Variants in TBRG1 observed in about 807,000 individuals in gnomAD.
The protein encoded by TBRG1 is nuclear interactor of ARF and MDM2.
TBRG1 carries 31 observed loss-of-function variants against 44.0 expected under a neutral mutation model. The observed-to-expected ratio is 0.70, with a 90% CI of 0.53 to 0.95. The LOEUF is 0.95. Ranked by LOEUF, TBRG1 falls within the 40% of genes least tolerant of loss-of-function variation. The probability of loss-of-function intolerance (pLI) is 0.00; values close to 1 mark genes in which losing one functional copy is unlikely to be tolerated. For synonymous variants in TBRG1, 171 were observed against 188.1 expected (o/e 0.91, Z 0.74); for missense variants, 487 against 496.1 (o/e 0.98, Z 0.18).
chr11:124,632,038 A>G (rs1340004960), intron 8 of TBRG1, 55 bp from the exon 9 acceptor site: 31 of 1,553,224 alleles, frequency 2.0e-5, no homozygotes, highest in Non-Finnish European at 1.2e-5. Flanking sequence ...TCTGACCAAA[A>G]CAGTCTGCCC....
At chr11:124,624,782 G>A (rs916608232) in intron 1 of TBRG1, 149 bp from the exon 2 acceptor site, 57 of 628,160 alleles carry the variant, frequency 9.1e-5, no homozygotes, top group Middle Eastern at 4.3e-4. Flanking sequence ...TTTATCTATG[G>A]ATTTATTTAT....
rs1166141865 is a variant in TBRG1 at position 124,632,351 on chromosome 11, A to AT, written c.*116dup. ...TCAGAAGTAAAGAAGATACTAACGT[A>AT]TTTCATCATGGAAGGTCCTGTGGTG... is the stretch of plus-strand genomic sequence containing the variant. On this transcript the variant is annotated 3_prime_UTR_variant, in exon 9 of 9. Transcript: ENST00000441174. 8.1e-6 allele frequency: 7 copies of AT among 867,552 alleles called. No homozygotes were observed. Among genetic ancestry groups the AT allele is most frequent in the Non-Finnish European group, 1.1e-5 (6 of 562,084 alleles). The allele number at this position is 867,552 out of a possible 1,614,324, so 53.7% of individuals were successfully genotyped here.
At chr11:124,624,896 A>G (rs1565398507) in intron 1 of TBRG1, 35 bp from the exon 2 acceptor site, 15 of 1,361,520 alleles carry the variant, frequency 1.1e-5, no homozygotes, top group Non-Finnish European at 1.5e-5. Context: ...TTTTTTATTC[A>G]TTTTATGTTA....
Position 124,625,795 on chromosome 11 carries a change from C to CA in TBRG1, c.347dup (p.Ala118SerfsTer12). 1 of 1,581,578 alleles carries CA rather than the reference C, an allele frequency of 6.3e-7. No homozygotes were observed. The highest frequency in any genetic ancestry group is 8.6e-7 in the Non-Finnish European group (1 of 1,162,750). ...TGTGGCCAGCTCTGTGGGAACTATA[C>CA]AGGGAGCTGGGCCTATTTCAGGGCC... On this transcript the variant is annotated frameshift_variant, in exon 3 of 9. Coordinates refer to ENST00000441174, the MANE Select transcript of TBRG1 (RefSeq NM_032811.3). LOFTEE classifies it high-confidence loss of function.
In TBRG1 at chr11:124,625,019, T is replaced by C. The variant is rs778856793; in HGVS notation, c.221+18T>C. The C allele has an allele frequency of 7.4e-5, 112 of 1,518,940 alleles. 1 individual carries two copies. Among genetic ancestry groups the C allele is most frequent in the South Asian group, 2.0e-4 (16 of 81,750 alleles). The allele number at this position is 1,518,940 out of a possible 1,614,324, so 94.1% of individuals were successfully genotyped here. A position where few individuals can be genotyped will look rare whatever the true frequency, so the allele number is the denominator to read the frequency against. ...GAAAGAAGGTGAGCTGGCTTCATTTTGTGTTCAGCATCACCTTTTTGGTGA... is the reference window on the plus strand; with the variant it reads ...GAAAGAAGGTGAGCTGGCTTCATTTCGTGTTCAGCATCACCTTTTTGGTGA... On this transcript the variant is annotated intron_variant, in intron 2 of 8. Transcript: ENST00000441174.
Position 124,630,489 on chromosome 11 carries a change from A to G in TBRG1, c.836+4A>G, listed in dbSNP as rs1280698027. The G allele has an allele frequency of 2.5e-6, 4 of 1,603,800 alleles. No individual in the cohort carries two copies. In the Admixed American group the frequency reaches 6.7e-5, roughly 27 times the overall value. ...TCAGGACTATAAGCACTACTATGTA[A>G]GTTGACCAAAAGCTTGAAAACAGGC... On this transcript the variant is annotated splice_donor_region_variant and intron_variant, in intron 6 of 8. Coordinates refer to ENST00000441174, the MANE Select transcript of TBRG1 (RefSeq NM_032811.3).
At chr11:124,630,297 C>A in intron 5 of TBRG1, 91 bp from the exon 6 acceptor site, 1 of 869,976 alleles carries the variant, frequency 1.1e-6, no homozygotes, top group Non-Finnish European at 2.0e-6. Context: ...GTCAGCTTCA[C>A]GTTCCAGAGT....
Position 124,628,676 on chromosome 11 carries a change from T to C in TBRG1, c.738+1626T>C, listed in dbSNP as rs538057465. On this transcript the variant is annotated intron_variant, in intron 5 of 8. Coordinates refer to ENST00000441174, the MANE Select transcript of TBRG1 (RefSeq NM_032811.3). Reference sequence around the variant, plus strand: ...TATCAGAGGGATTAATAATATCCAGTGCTGGCCGGGGTGGAGGAAAACAAG... The same window carrying C: ...TATCAGAGGGATTAATAATATCCAGCGCTGGCCGGGGTGGAGGAAAACAAG... 1.3e-4 allele frequency among the ~76,000 whole-genome samples: 20 copies of C among 152,252 alleles called. 1 individual carries two copies. The highest frequency in any genetic ancestry group is 4.3e-4 in the African/African-American group (18 of 41,548).
intron 2 of TBRG1, 95 bp downstream of exon 2, chr11:124,625,096 G>C (rs1591372772): frequency 2.3e-6 from 2 of 882,392 alleles, no homozygotes; most frequent in East Asian, 2.7e-5. Context: ...TTTTTTCCCA[G>C]TGGGATTGAT....
chr11:124,623,707 C>T (rs57209328), intron 1 of TBRG1, among the ~76,000 whole-genome samples: 5,525 of 152,288 alleles, frequency 0.036, 305 homozygotes, highest in African/African-American at 0.12. Context: ...ATTTTCTGAG[C>T]ACCTCAAATC....
chr11:124,631,090 A>T (rs1212962501), intron 7 of TBRG1, 185 bp from the exon 8 acceptor site: 1 of 657,264 alleles, frequency 1.5e-6, no homozygotes, highest in African/African-American at 1.8e-5. Context: ...AGGGGTGGGA[A>T]ATCTAGCAGA....
At chr11:124,630,189 C>T (rs1312644549) in intron 5 of TBRG1, 199 bp from the exon 6 acceptor site, 7 of 524,756 alleles carry the variant, frequency 1.3e-5, no homozygotes, top group Non-Finnish European at 2.4e-5. Context: ...AAGGGTAGAA[C>T]TGAAACAGTC....
chr11:124,630,877 C>G, intron 7 of TBRG1, 22 bp downstream of exon 7: 3 of 1,478,130 alleles, frequency 2.0e-6, no homozygotes, highest in South Asian at 1.2e-5. Flanking sequence ...CAAATTCATT[C>G]CCTTGAGAAA....
intron 5 of TBRG1, 125 bp downstream of exon 5, chr11:124,627,175 C>G (rs1942494767): frequency 5.5e-6 from 4 of 722,168 alleles, no homozygotes; most frequent in Non-Finnish European, 9.3e-6. Context: ...TCCCAAGATG[C>G]AGAAAAGTGG....
rs368957036 is a variant in TBRG1, at chr11:124,627,445, A to T, written c.738+395A>T. On this transcript the variant is annotated intron_variant, in intron 5 of 8. Coordinates refer to ENST00000441174, the MANE Select transcript of TBRG1 (RefSeq NM_032811.3). ...AATTGCATATTAGTTTCTGGCTGCA[A>T]ATACTCTTAAGGACCTGAGAGTCTT... 5.9e-5 allele frequency among the ~76,000 whole-genome samples: 9 copies of T among 152,330 alleles called. No individual in the cohort carries two copies. In the South Asian group the frequency reaches 1.0e-3, roughly 18 times the overall value.
chr11:124,625,687 C>T lies in TBRG1; in HGVS notation c.238C>T (p.Leu80Phe). 2 of 1,551,338 alleles carry T rather than the reference C, an allele frequency of 1.3e-6. No homozygotes were observed. The highest frequency in any genetic ancestry group is 1.7e-6 in the Non-Finnish European group (2 of 1,146,962). ...TGATCTCAGGTACTTGCTAAAGAAG[C>T]TCCTCCAGCTTCAGGCTCTAACTGA... ...KEERRYLLKK[L>F]LQLQALTEGE... The change falls in exon 3 of 9, where the codon CTC becomes TTC. Residue 80 changes from leucine to phenylalanine, a missense_variant. Coordinates refer to ENST00000441174, the MANE Select transcript of TBRG1 (RefSeq NM_032811.3).
At position 124,632,856 on chromosome 11, in the gene TBRG1, T is replaced by G. The variant is rs541875606; in HGVS notation, c.*618T>G. The G allele has an allele frequency of 6.6e-5, 10 of 152,210 alleles. No individual in the cohort carries two copies. The highest frequency in any genetic ancestry group is 2.6e-4 in the Admixed American group (4 of 15,292). 9.4% of individuals were successfully genotyped at this position (152,210 alleles called of 1,614,324 possible). ...ATTAGGGGTTAGGATTTAACATGAA[T>G]TTTGGGGACATATAAACATTAAGTC... On this transcript the variant is annotated 3_prime_UTR_variant, in exon 9 of 9. Transcript: ENST00000441174.
Position 124,622,929 on chromosome 11 carries a change from G to C in TBRG1, c.-155G>C. On this transcript the variant is annotated 5_prime_UTR_variant, in exon 1 of 9. Coordinates refer to ENST00000441174, the MANE Select transcript of TBRG1 (RefSeq NM_032811.3). Reference sequence around the variant, plus strand: ...GCCCGTTCGGTTGCGGGTGTCTCTGGCCCTGCGGTCAGCCCTGGGAACGTC... The same window carrying C: ...GCCCGTTCGGTTGCGGGTGTCTCTGCCCCTGCGGTCAGCCCTGGGAACGTC... 1 of 797,462 alleles carries C rather than the reference G, an allele frequency of 1.3e-6. No individual in the cohort carries two copies. Among genetic ancestry groups the C allele is most frequent in the South Asian group, 1.9e-5 (1 of 52,356 alleles). 49.4% of individuals were successfully genotyped at this position (797,462 alleles called of 1,614,324 possible).
intron 5 of TBRG1, chr11:124,629,957 A>T (rs140090312): frequency 6.4e-6 from 1 of 156,168 alleles, no homozygotes; most frequent in African/African-American, 2.4e-5. Context: ...TAACATAACC[A>T]AGATATTTTA....
Sources: allele counts gnomAD v4.1 joint callset (sites outside exome capture counted in the v4.1 genomes callset), GRCh38; gene constraint gnomAD v4.1.1; transcripts MANE v1.5; gene names NCBI Gene and HGNC (gene_info 2026-07-23, HGNC 2026-07-21).